Variants in MACROD2 observed in about 807,000 individuals in gnomAD.
MACROD2 encodes the protein mono-ADP ribosylhydrolase 2, also known as ADP-ribose glycohydrolase MACROD2.
In MACROD2, 36 loss-of-function variants were observed where a neutral mutation model predicts 70.4. That is an observed-to-expected ratio of 0.51 (90% CI 0.39 to 0.68). MACROD2 has a LOEUF of 0.68. MACROD2 is among the 30% of genes least tolerant of loss of function. MACROD2 has a pLI of 0.00. For missense variants in MACROD2, 496 were observed against 538.4 expected, an observed-to-expected ratio of 0.92 and a Z score of 0.78; for synonymous variants, 172 against 178.8, an observed-to-expected ratio of 0.96 and a Z score of 0.30.
chr20:15,161,284 G>T (rs2076346588), intron 5 of MACROD2, among the ~76,000 whole-genome samples: 1 of 151,448 alleles, frequency 6.6e-6, no homozygotes, highest in African/African-American at 2.4e-5. Flanking sequence ...GTACAAACTG[G>T]ACCTAAATCA....
At chr20:15,772,097 A>ATATATATATATAT (rs1305604286) in intron 8 of MACROD2, among the ~76,000 whole-genome samples, 1 of 93,434 alleles carries the variant, frequency 1.1e-5, no homozygotes, top group African/African-American at 5.0e-5. Flanking sequence ...AAAAAAAAAA[A>ATATATATATATAT]AAAAATATAT....
intron 5 of MACROD2, among the ~76,000 whole-genome samples, chr20:14,771,737 T>TAC (rs11472593): frequency 0.025 from 3,626 of 145,570 alleles, 71 homozygotes; most frequent in Middle Eastern, 0.072. Flanking sequence ...ATACTTATCC[T>TAC]ACACACACAC....
At chr20:15,987,434 A>G (rs2066502150) in intron 15 of MACROD2, among the ~76,000 whole-genome samples, 1 of 152,200 alleles carries the variant, frequency 6.6e-6, no homozygotes, top group Non-Finnish European at 1.5e-5. Flanking sequence ...GTATTGAGAA[A>G]GCCTATAAGA....
At chr20:14,794,621 G>A (rs2072489705) in intron 5 of MACROD2, among the ~76,000 whole-genome samples, 1 of 152,026 alleles carries the variant, frequency 6.6e-6, no homozygotes, top group Admixed American at 6.6e-5. Context: ...ATGAATTTTG[G>A]TATTTACAAG....
intron 4 of MACROD2, among the ~76,000 whole-genome samples, chr20:14,683,507 T>C (rs187003217): frequency 2.0e-5 from 3 of 152,302 alleles, no homozygotes; most frequent in Admixed American, 1.3e-4. Flanking sequence ...TGAGTGTCTT[T>C]GAGGTTGAGG....
At chr20:14,475,246 A>G (rs892263134) in intron 3 of MACROD2, among the ~76,000 whole-genome samples, 1 of 152,148 alleles carries the variant, frequency 6.6e-6, no homozygotes, top group African/African-American at 2.4e-5. Context: ...AAACCCCAGT[A>G]TACTTTAACT....
intron 8 of MACROD2, among the ~76,000 whole-genome samples, chr20:15,838,379 T>A (rs1417860872): frequency 1.3e-5 from 2 of 152,198 alleles, no homozygotes; most frequent in Non-Finnish European, 2.9e-5. Context: ...AATGTTTCCA[T>A]CTTGTGGAGC....
At chr20:16,042,467 C>T (rs1026528271) in intron 16 of MACROD2, among the ~76,000 whole-genome samples, 6 of 151,996 alleles carry the variant, frequency 3.9e-5, no homozygotes, top group Non-Finnish European at 7.4e-5. Context: ...CTTAGAGATT[C>T]ACCATACACA....
chr20:15,750,873 A>T lies in MACROD2; in HGVS notation c.646-111872A>T, dbSNP rs190735182. On this transcript the variant is annotated intron_variant, in intron 8 of 17. Coordinates refer to ENST00000684519, the MANE Select transcript of MACROD2 (RefSeq NM_001351661.2). ...CAAATACCTCATCTGTGGAATCTAAAAAAAACAAAAAACGACAACAACAGA... is the reference window on the plus strand; with the variant it reads ...CAAATACCTCATCTGTGGAATCTAATAAAAACAAAAAACGACAACAACAGA... Among the ~76,000 whole-genome samples, 235 of 152,124 alleles carry T rather than the reference A, an allele frequency of 1.5e-3. 1 individual carries two copies. Among genetic ancestry groups the T allele is most frequent in the African/African-American group, 5.2e-3 (215 of 41,544 alleles).
At chr20:14,333,425 T>C (rs1041609921) in intron 3 of MACROD2, among the ~76,000 whole-genome samples, 2 of 152,218 alleles carry the variant, frequency 1.3e-5, no homozygotes, top group African/African-American at 4.8e-5. Context: ...TGCTTCCTTT[T>C]ATGATATTAA....
chr20:15,074,010 T>C (rs976638102), intron 5 of MACROD2, among the ~76,000 whole-genome samples: 3 of 152,208 alleles, frequency 2.0e-5, no homozygotes, highest in Admixed American at 1.3e-4. Flanking sequence ...TAGGTCTTTA[T>C]TTTACTATGA....
chr20:14,147,112 G>A (rs2054952889), intron 3 of MACROD2, among the ~76,000 whole-genome samples: 1 of 152,100 alleles, frequency 6.6e-6, no homozygotes, highest in Non-Finnish European at 1.5e-5. Flanking sequence ...TTATGTACTG[G>A]GTAATGAGGT....
chr20:14,993,331 A>G (rs78755547), intron 5 of MACROD2, among the ~76,000 whole-genome samples: 349 of 151,968 alleles, frequency 2.3e-3, no homozygotes, highest in African/African-American at 8.1e-3. Context: ...ATTTAGATCA[A>G]CTGCCCTCAA....
chr20:15,654,825 GAAAT>G (rs2049702716), intron 8 of MACROD2, among the ~76,000 whole-genome samples: 1 of 152,228 alleles, frequency 6.6e-6, no homozygotes, highest in African/African-American at 2.4e-5. Context: ...ACCTGCCACA[GAAAT>G]AAAATACCAA....
intron 4 of MACROD2, among the ~76,000 whole-genome samples, chr20:14,584,782 GTTA>G (rs1341327368): frequency 6.6e-6 from 1 of 152,086 alleles, no homozygotes; most frequent in Non-Finnish European, 1.5e-5. Context: ...ATAATTTAGA[GTTA>G]TTATACCTAG....
chr20:15,808,811 A>G (rs1430735003), intron 8 of MACROD2, among the ~76,000 whole-genome samples: 2 of 152,354 alleles, frequency 1.3e-5, no homozygotes, highest in East Asian at 1.9e-4. Flanking sequence ...ATATTCCAAT[A>G]TCCCTACCCT....
Position 15,862,832 on chromosome 20 carries a change from T to TA in MACROD2, c.727+9dup. The TA allele has an allele frequency of 6.3e-7, 1 of 1,593,728 alleles. No individual in the cohort carries two copies. The highest frequency in any genetic ancestry group is 8.6e-7 in the Non-Finnish European group (1 of 1,166,190). On this transcript the variant is annotated splice_region_variant and intron_variant, in intron 9 of 17. Coordinates refer to ENST00000684519, the MANE Select transcript of MACROD2 (RefSeq NM_001351661.2). ...GAATGAGTTTTTCTCCGTAGGTGAG[T>TA]AAAGCAACTTCTTGTTTTCTTTCAA...
intron 2 of MACROD2, among the ~76,000 whole-genome samples, chr20:14,083,284 G>A (rs898998010): frequency 1.3e-5 from 2 of 151,942 alleles, no homozygotes; most frequent in African/African-American, 2.4e-5. Context: ...ATAGCTGGGC[G>A]TGGTGGTGGG....
At chr20:15,170,374 C>T (rs552284792) in intron 5 of MACROD2, among the ~76,000 whole-genome samples, 12 of 152,180 alleles carry the variant, frequency 7.9e-5, no homozygotes, top group Non-Finnish European at 1.5e-4. Flanking sequence ...AGAAAAGTCA[C>T]TACCTACCCT....
Sources: gnomAD v4.1 joint callset for allele counts (sites outside exome capture counted in the v4.1 genomes callset) on GRCh38, gnomAD v4.1.1 for gene constraint, MANE v1.5 for transcripts, NCBI Gene and HGNC (gene_info 2026-07-23, HGNC 2026-07-21) for gene names.